Variants in TRAF2 observed in about 807,000 individuals in gnomAD.
TRAF2 encodes TNF receptor-associated factor 2.
A neutral mutation model predicts 55.6 loss-of-function variants in TRAF2; 6 were observed. The observed-to-expected ratio is 0.11, with a 90% CI of 0.06 to 0.21. The LOEUF is 0.21. TRAF2 is among the 10% of genes least tolerant of loss of function. The pLI, the probability that TRAF2 is intolerant of heterozygous loss-of-function variation, is 1.00. For missense variants in TRAF2, 561 were observed against 684.5 expected, an observed-to-expected ratio of 0.82 and a Z score of 2.01; for synonymous variants, 329 against 276.3, an observed-to-expected ratio of 1.19 and a Z score of -1.89.
At chr9:136,889,054 C>T (rs1310564428) in intron 1 of TRAF2, among the ~76,000 whole-genome samples, 6 of 152,010 alleles carry the variant, frequency 3.9e-5, no homozygotes, top group African/African-American at 7.3e-5. Flanking sequence ...TTAATGGAGA[C>T]GGGGTTTCAC....
Position 136,921,131 on chromosome 9 carries a change from G to A in TRAF2, c.1054G>A (p.Gly352Arg). Residue 352 changes from glycine to arginine, a missense_variant, in exon 9 of 11, where the codon GGG becomes AGG. Gly to Arg is a moderately radical substitution (Grantham distance 125). Transcript: ENST00000247668. The stretch of plus-strand genomic sequence containing the variant: ...GGAGATGGAGGCATCCACCTACGAT[G>A]GGGTCTTCATCTGGAAGATCTCAGA... ...VLEMEASTYD[G>R]VFIWKISDFA... 6.2e-7 allele frequency: 1 copy of A among 1,614,078 alleles called. No homozygotes were observed.
intron 1 of TRAF2, among the ~76,000 whole-genome samples, chr9:136,888,840 C>T (rs2784069): frequency 0.61 from 92,956 of 152,032 alleles, 28,792 homozygotes; most frequent in South Asian, 0.74. Flanking sequence ...ACACACAGCT[C>T]GGCCCTACCA....
rs773855452 is a variant in TRAF2, at chr9:136,898,730, T to A, written c.-11T>A. ...TTCCTTAGGGCTTTGTTCGCGGGGG[T>A]CACAGCTCTCATGGCTGCAGCTAGC... is the stretch of plus-strand genomic sequence containing the variant. On this transcript the variant is annotated 5_prime_UTR_variant, in exon 2 of 11. Coordinates refer to ENST00000247668, the MANE Select transcript of TRAF2 (RefSeq NM_021138.4). 1.9e-6 allele frequency: 3 copies of A among 1,612,982 alleles called. No homozygotes were observed. The East Asian group carries it at 6.7e-5, about 36-fold the overall frequency.
At chr9:136,911,265 T>A in intron 6 of TRAF2, among the ~76,000 whole-genome samples, 1 of 8,378 alleles carries the variant, frequency 1.2e-4, no homozygotes, top group Non-Finnish European at 2.3e-4. Context: ...CCTTCCCGTC[T>A]TTTTTTTTTT....
intron 6 of TRAF2, among the ~76,000 whole-genome samples, chr9:136,913,295 A>ATTTTTTTTTTTTTTTTTTTTTTTTTTT (rs369765173): frequency 1.1e-5 from 1 of 87,068 alleles, no homozygotes; most frequent in Non-Finnish European, 2.0e-5. Context: ...TTATAAAGGA[A>ATTTTTTTTTTTTTTTTTTTTTTTTTTT]TTTTTTTTTT....
chr9:136,922,729 G>A (rs1415098923), intron 9 of TRAF2, among the ~76,000 whole-genome samples: 2 of 143,344 alleles, frequency 1.4e-5, no homozygotes, highest in Non-Finnish European at 3.0e-5. Context: ...GGTGGAGGAC[G>A]GGGACGGGGA....
upstream of TRAF2, chr9:136,882,686 T>C: frequency 1.0e-6 from 1 of 985,422 alleles, no homozygotes; most frequent in Non-Finnish European, 1.2e-6. Flanking sequence ...CACGTGGGAA[T>C]CCCCTGAGCT....
intron 4 of TRAF2, among the ~76,000 whole-genome samples, chr9:136,907,589 G>A (rs866723993): frequency 2.6e-5 from 4 of 152,150 alleles, no homozygotes; most frequent in South Asian, 2.1e-4. Context: ...GCTATCTCCC[G>A]TGCGTGTTCC....
intron 8 of TRAF2, 101 bp from the exon 9 acceptor site, chr9:136,920,937 G>A (rs1281260605): frequency 1.4e-6 from 2 of 1,413,954 alleles, no homozygotes; most frequent in Non-Finnish European, 1.9e-6. Flanking sequence ...GCCCAGGGGT[G>A]CCCAAGAGCA....
chr9:136,905,875 C>T (rs368687869), intron 4 of TRAF2, among the ~76,000 whole-genome samples: 1 of 152,156 alleles, frequency 6.6e-6, no homozygotes, highest in Admixed American at 6.5e-5. Context: ...GAGGCCAAGG[C>T]AGGTGAATCA....
chr9:136,906,571 G>C (rs903419555), intron 4 of TRAF2, among the ~76,000 whole-genome samples: 1 of 152,164 alleles, frequency 6.6e-6, no homozygotes, highest in African/African-American at 2.4e-5. Context: ...GATTATGGGA[G>C]TTGCAATTCA....
chr9:136,908,096 C>T lies in TRAF2; in HGVS notation c.393C>T (p.Leu131=), dbSNP rs768169170. ...GCTGCCACGAAGGCCGCTGCCCGCT[C>T]ATGCTGACCGAATGTCCCGCGTGCA... is the stretch of plus-strand genomic sequence containing the variant. ...YESCHEGRCP[L]MLTECPACKG... Residue 131 remains leucine (L), a synonymous_variant, in exon 5 of 11, where the codon CTC becomes CTT. Transcript: ENST00000247668. 1.2e-5 allele frequency: 19 copies of T among 1,605,824 alleles called. No individual in the cohort carries two copies. The highest frequency in any genetic ancestry group is 1.5e-5 in the Non-Finnish European group (18 of 1,179,788).
intron 10 of TRAF2, 23 bp downstream of exon 10, chr9:136,924,023 C>A: frequency 6.2e-7 from 1 of 1,609,502 alleles, no homozygotes; most frequent in South Asian, 1.1e-5. Context: ...CTGCAGGCTT[C>A]GCTAGGGCCG....
chr9:136,904,444 C>T lies in TRAF2; in HGVS notation c.367-3626C>T, dbSNP rs140841851. Reference sequence around the variant, plus strand: ...TATTTGAGATGGAGTCTCACTCTGTCGCCCAGGCTGGAGTGCAGTGGCACG... The same window carrying T: ...TATTTGAGATGGAGTCTCACTCTGTTGCCCAGGCTGGAGTGCAGTGGCACG... On this transcript the variant is annotated intron_variant, in intron 4 of 10. Transcript: ENST00000247668. 9.4e-3 allele frequency among the ~76,000 whole-genome samples: 1,432 copies of T among 152,148 alleles called. 12 individuals carry two copies. Among genetic ancestry groups the T allele is most frequent in the Non-Finnish European group, 0.015 (1,018 of 68,000 alleles).
At chr9:136,906,598 G>T (rs900992516) in intron 4 of TRAF2, among the ~76,000 whole-genome samples, 4 of 152,054 alleles carry the variant, frequency 2.6e-5, no homozygotes, top group African/African-American at 9.7e-5. Flanking sequence ...GATTTGGGTG[G>T]GGACACAGCC....
intron 1 of TRAF2, among the ~76,000 whole-genome samples, chr9:136,893,402 G>T (rs2131280100): frequency 6.6e-6 from 1 of 152,366 alleles, no homozygotes; most frequent in South Asian, 2.1e-4. Context: ...GCAGACAGGT[G>T]ACTGACAGTC....
At chr9:136,887,855 C>T (rs1402378554) in intron 1 of TRAF2, among the ~76,000 whole-genome samples, 1 of 152,102 alleles carries the variant, frequency 6.6e-6, no homozygotes, top group Non-Finnish European at 1.5e-5. Flanking sequence ...GATGGGGTTA[C>T]ATATAAAATT....
chr9:136,883,952 G>A (rs769799861), upstream of TRAF2, among the ~76,000 whole-genome samples: 3 of 151,444 alleles, frequency 2.0e-5, no homozygotes, highest in Non-Finnish European at 2.9e-5. Context: ...AGTCTCCTGA[G>A]TAGCTGTGAG....
chr9:136,920,125 A>G, intron 7 of TRAF2, 109 bp from the exon 8 acceptor site: 5 of 1,374,534 alleles, frequency 3.6e-6, no homozygotes, highest in Non-Finnish European at 4.8e-6. Context: ...CCTATCTATG[A>G]CCCTGGCCTG....
Sources: allele counts gnomAD v4.1 joint callset (sites outside exome capture counted in the v4.1 genomes callset), GRCh38; gene constraint gnomAD v4.1.1; transcripts MANE v1.5; gene names NCBI Gene and HGNC (gene_info 2026-07-23, HGNC 2026-07-21).